Variants in FAM53A observed in about 807,000 individuals in gnomAD.
The protein encoded by FAM53A is family with sequence similarity 53 member A.
FAM53A carries 28 observed loss-of-function variants against 26.6 expected under a neutral mutation model. The observed-to-expected ratio is 1.05, with a 90% confidence interval of 0.78 to 1.45. The LOEUF is 1.45. Among genes scored for constraint, FAM53A ranks in the 40% most tolerant of loss-of-function variants. The pLI is 0.00. For missense variants in FAM53A, 650 were observed against 575.8 expected (o/e 1.13, Z -1.32); for synonymous variants, 290 against 253.1 (o/e 1.15, Z -1.38).
chr4:1,623,632 G>T (rs539843480), intron 1 of FAM53A, among the ~76,000 whole-genome samples: 1 of 152,334 alleles, frequency 6.6e-6, no homozygotes, highest in East Asian at 1.9e-4. Context: ...GCAGACGGCC[G>T]CCCGCTCCGG....
chr4:1,680,817 C>T (rs557297471), intron 1 of FAM53A, among the ~76,000 whole-genome samples: 3 of 151,770 alleles, frequency 2.0e-5, no homozygotes, highest in African/African-American at 7.3e-5. Flanking sequence ...ACCGTGGCTG[C>T]CAGGGGCCAG....
At chr4:1,589,186 C>T in the FAM53A span, among the ~76,000 whole-genome samples, 1 of 152,160 alleles carries the variant, frequency 6.6e-6, no homozygotes, top group African/African-American at 2.4e-5. Context: ...AGAGTTTAAA[C>T]AATAAATAGA....
At chr4:1,644,471 G>T in intron 4 of FAM53A, 1 of 1,205,076 alleles carries the variant, frequency 8.3e-7, no homozygotes, top group Non-Finnish European at 1.1e-6. Flanking sequence ...AGGCCACACG[G>T]AACTGAAGGG....
At chr4:1,637,616 G>A (rs535362172), downstream of FAM53A, among the ~76,000 whole-genome samples, 403 of 151,196 alleles carry the variant, frequency 2.7e-3, no homozygotes, top group African/African-American at 9.4e-3. Context: ...GAGAGGGGGA[G>A]GGCTGGGGGC....
At chr4:1,596,349 T>C in the FAM53A span, among the ~76,000 whole-genome samples, 6 of 152,220 alleles carry the variant, frequency 3.9e-5, no homozygotes, top group South Asian at 8.3e-4. Flanking sequence ...TTTGAGAAAA[T>C]TGTAGTTTCA....
chr4:1,596,942 GC>G, the FAM53A span, among the ~76,000 whole-genome samples: 47 of 152,184 alleles, frequency 3.1e-4, 1 homozygote, highest in African/African-American at 1.0e-3. Context: ...GGTGGGAAAG[GC>G]CCCCGGGGGC....
At chr4:1,648,656 G>A (rs1470326450) in intron 4 of FAM53A, among the ~76,000 whole-genome samples, 1 of 152,178 alleles carries the variant, frequency 6.6e-6, no homozygotes, top group Non-Finnish European at 1.5e-5. Context: ...CAAAGCGGCT[G>A]AATTTAAGGC....
At chr4:1,592,928 C>T in the FAM53A span, among the ~76,000 whole-genome samples, 3 of 152,090 alleles carry the variant, frequency 2.0e-5, no homozygotes, top group Non-Finnish European at 1.5e-5. Flanking sequence ...CTGCGGGGCC[C>T]GGGGCCGCTC....
intron 1 of FAM53A, among the ~76,000 whole-genome samples, chr4:1,625,799 C>T (rs528803593): frequency 5.9e-5 from 9 of 151,272 alleles, no homozygotes; most frequent in Non-Finnish European, 1.2e-4. Flanking sequence ...GAAGGCCCCA[C>T]GTCCCGGCCC....
intron 4 of FAM53A, among the ~76,000 whole-genome samples, chr4:1,645,270 G>A (rs1712136505): frequency 6.6e-6 from 1 of 152,258 alleles, no homozygotes; most frequent in Non-Finnish European, 1.5e-5. Flanking sequence ...GGACAGAGAT[G>A]GCCAGAGCAA....
chr4:1,610,690 C>G, the FAM53A span, among the ~76,000 whole-genome samples: 1 of 152,054 alleles, frequency 6.6e-6, no homozygotes, highest in Non-Finnish European at 1.5e-5. Flanking sequence ...CCTGGGCACC[C>G]CAGCTGGGCA....
At chr4:1,665,056 TGTAATCCCAGCACTTTGGGA>T (rs1267030460) in intron 2 of FAM53A, among the ~76,000 whole-genome samples, 1 of 152,074 alleles carries the variant, frequency 6.6e-6, no homozygotes, top group Non-Finnish European at 1.5e-5. Flanking sequence ...GGCTCATGCC[TGTAATCCCAGCACTTTGGGA>T]GGCTGAGGTG....
At chr4:1,588,617 C>T in the FAM53A span, among the ~76,000 whole-genome samples, 26 of 152,304 alleles carry the variant, frequency 1.7e-4, no homozygotes, top group East Asian at 1.7e-3. Flanking sequence ...ATGAGTGAAG[C>T]TATCCTCAAG....
chr4:1,684,583 C>T (rs138928468), upstream of FAM53A, among the ~76,000 whole-genome samples: 2,483 of 151,768 alleles, frequency 0.016, 90 homozygotes, highest in African/African-American at 0.056. Context: ...TCGGCGGCGT[C>T]CTCCAGGCCT....
the FAM53A span, among the ~76,000 whole-genome samples, chr4:1,603,286 AC>A: frequency 6.6e-6 from 1 of 151,978 alleles, no homozygotes; most frequent in African/African-American, 2.4e-5. Context: ...ATCGTCACCC[AC>A]GGGGAGGGGA....
At chr4:1,616,148 G>A (rs1714803114), downstream of FAM53A, among the ~76,000 whole-genome samples, 1 of 152,208 alleles carries the variant, frequency 6.6e-6, no homozygotes, top group Admixed American at 6.5e-5. Flanking sequence ...AGCCAGGAGA[G>A]GAAGCATGTG....
At chr4:1,644,515 G>A in intron 4 of FAM53A, 1 of 830,726 alleles carries the variant, frequency 1.2e-6, no homozygotes, top group Non-Finnish European at 1.8e-6. Flanking sequence ...GGAAACCGAG[G>A]CCCACGGGGC....
the FAM53A span, among the ~76,000 whole-genome samples, chr4:1,612,403 C>T: frequency 2.0e-5 from 3 of 152,200 alleles, no homozygotes; most frequent in Non-Finnish European, 2.9e-5. Context: ...TCCCGAGAAG[C>T]CCAGGCAGGG....
rs1307993140 is a variant in FAM53A at position 1,619,027 on chromosome 4, A to G, written c.432-916T>C. 2.0e-5 allele frequency among the ~76,000 whole-genome samples: 3 copies of G among 152,180 alleles called. No homozygotes were observed. In the East Asian group the frequency reaches 5.8e-4, roughly 29 times the overall value. Reference sequence around the variant, plus strand: ...GGGAAGGGGATGCCGCAGAGCGTCCACAGGTGAGAGCTGGGGGTCCACTGA... The same window carrying G: ...GGGAAGGGGATGCCGCAGAGCGTCCGCAGGTGAGAGCTGGGGGTCCACTGA... On this transcript the variant is annotated intron_variant, in intron 1 of 1. Coordinates refer to the FAM53A transcript ENST00000489029.
Sources: allele counts gnomAD v4.1 joint callset (sites outside exome capture counted in the v4.1 genomes callset), GRCh38; gene constraint gnomAD v4.1.1; transcripts MANE v1.5; gene names NCBI Gene and HGNC (gene_info 2026-07-23, HGNC 2026-07-21).